ANKFN1: variants seen among roughly 807,000 people sequenced by gnomAD.
The protein encoded by ANKFN1 is ankyrin repeat and fibronectin type-III domain-containing protein 1.
In ANKFN1, 74 loss-of-function variants were observed where a neutral mutation model predicts 108.7. The observed-to-expected ratio is 0.68, with a 90% CI of 0.56 to 0.83. The LOEUF is 0.83. ANKFN1 is among the 40% of genes least tolerant of loss of function. The pLI is 0.00. For synonymous variants in ANKFN1, 547 were observed against 516.2 expected (o/e 1.06, Z -0.81); for missense variants, 1,505 against 1,382.3 (o/e 1.09, Z -1.41).
intron 4 of ANKFN1, among the ~76,000 whole-genome samples, chr17:56,074,598 AG>A (rs1409509444): frequency 6.6e-6 from 1 of 152,220 alleles, no homozygotes; most frequent in Non-Finnish European, 1.5e-5. Context: ...AGAAAACAGG[AG>A]AAATTCCAAC....
intron 1 of ANKFN1, chr17:56,206,352 C>T (rs1029557158): frequency 1.3e-5 from 2 of 152,080 alleles, no homozygotes; most frequent in Non-Finnish European, 2.9e-5. Context: ...TCCCCATGGC[C>T]CATGATTACA....
intron 4 of ANKFN1, among the ~76,000 whole-genome samples, chr17:56,126,320 T>A (rs1906929546): frequency 6.6e-6 from 1 of 152,156 alleles, no homozygotes; most frequent in Non-Finnish European, 1.5e-5. Flanking sequence ...AAAGATTCCT[T>A]GACTGGCTCC....
At chr17:56,157,027 C>A (rs1028369847) in intron 1 of ANKFN1, among the ~76,000 whole-genome samples, 1 of 152,174 alleles carries the variant, frequency 6.6e-6, no homozygotes, top group Admixed American at 6.5e-5. Flanking sequence ...TTAGATATTA[C>A]CAAATAGGAA....
At chr17:56,210,873 C>G (rs1443132758) in intron 1 of ANKFN1, among the ~76,000 whole-genome samples, 1 of 152,124 alleles carries the variant, frequency 6.6e-6, no homozygotes, top group Non-Finnish European at 1.5e-5. Flanking sequence ...GGGAAACCGC[C>G]CCCTTGATTC....
chr17:56,073,284 G>A (rs1344960651), intron 4 of ANKFN1, among the ~76,000 whole-genome samples: 6 of 152,164 alleles, frequency 3.9e-5, no homozygotes, highest in Non-Finnish European at 7.3e-5. Flanking sequence ...GAGCCACCGC[G>A]CCCGGCCTAT....
chr17:56,432,408 G>A (rs976995177), intron 8 of ANKFN1, among the ~76,000 whole-genome samples: 1 of 152,198 alleles, frequency 6.6e-6, no homozygotes. Context: ...TTGTAATAAT[G>A]TATAATAAAA....
At chr17:56,180,997 C>T (rs6505045) in intron 1 of ANKFN1, among the ~76,000 whole-genome samples, 112,072 of 152,122 alleles carry the variant, frequency 0.74, 42,285 homozygotes, top group East Asian at 0.94. Context: ...TTATGTGTAG[C>T]ACATTAAGGG....
At chr17:56,352,057 T>C (rs1225877916) in intron 5 of ANKFN1, among the ~76,000 whole-genome samples, 4 of 152,204 alleles carry the variant, frequency 2.6e-5, no homozygotes, top group Non-Finnish European at 5.9e-5. Context: ...TCGTTTGTTT[T>C]CTAATATGTT....
In ANKFN1 at chr17:56,090,272, A is replaced by C. The variant is rs552186322; in HGVS notation, c.288+43947A>C. 5.9e-5 allele frequency among the ~76,000 whole-genome samples: 9 copies of C among 151,384 alleles called. No individual in the cohort carries two copies. The South Asian group carries it at 1.7e-3, about 28-fold the overall frequency. ...GTCGTTAAGTTTCCAACCTATCTGC[A>C]ATAGAGAAGAGCTGAAAATTTTGGA... On this transcript the variant is annotated intron_variant, in intron 4 of 12. Coordinates refer to the ANKFN1 transcript ENST00000635860.
At chr17:56,053,748 C>T (rs912174012) in intron 4 of ANKFN1, among the ~76,000 whole-genome samples, 9 of 152,104 alleles carry the variant, frequency 5.9e-5, no homozygotes, top group African/African-American at 1.4e-4. Flanking sequence ...TCACAGTGAT[C>T]GTACTCATTT....
At chr17:56,171,052 CAAGA>C (rs1221451845) in intron 1 of ANKFN1, among the ~76,000 whole-genome samples, 8 of 151,680 alleles carry the variant, frequency 5.3e-5, no homozygotes, top group African/African-American at 1.9e-4. Context: ...GGCTGATCCT[CAAGA>C]AAGTTATTTG....
chr17:56,061,820 G>A (rs1324777672), intron 4 of ANKFN1, among the ~76,000 whole-genome samples: 1 of 152,174 alleles, frequency 6.6e-6, no homozygotes, highest in Non-Finnish European at 1.5e-5. Context: ...AGCTCTTAGA[G>A]ATGTTAGGGT....
At chr17:56,274,477 AAAT>A (rs985887284) in intron 3 of ANKFN1, among the ~76,000 whole-genome samples, 19 of 152,178 alleles carry the variant, frequency 1.2e-4, no homozygotes, top group African/African-American at 4.3e-4. Flanking sequence ...CGCCTCAAAA[AAAT>A]AATAATAATA....
At chr17:56,356,548 C>T (rs917887586) in intron 6 of ANKFN1, among the ~76,000 whole-genome samples, 3 of 152,116 alleles carry the variant, frequency 2.0e-5, no homozygotes, top group Admixed American at 1.3e-4. Flanking sequence ...AAATGCTAAG[C>T]TTACCATATC....
chr17:56,122,455 CT>C lies in ANKFN1; in HGVS notation c.288+76132del, dbSNP rs577950151. Among the ~76,000 whole-genome samples, 542 of 152,290 alleles carry C rather than the reference CT, an allele frequency of 3.6e-3. 2 individuals are homozygous for C. Among genetic ancestry groups the C allele is most frequent in the Non-Finnish European group, 5.4e-3 (366 of 68,024 alleles). ...TTGCTCTCTCAGCTGCAGTTTACTT[CT>C]TCTACTCCCTATAATGATTAGAAGC... On this transcript the variant is annotated intron_variant, in intron 4 of 12. Transcript: ENST00000635860.
chr17:56,185,457 A>G (rs572203150), intron 1 of ANKFN1, among the ~76,000 whole-genome samples: 1 of 152,318 alleles, frequency 6.6e-6, no homozygotes, highest in East Asian at 1.9e-4. Context: ...CTTTGTGTGG[A>G]AAAACATCCC....
intron 4 of ANKFN1, among the ~76,000 whole-genome samples, chr17:56,137,643 G>C (rs1907675594): frequency 6.6e-6 from 1 of 152,150 alleles, no homozygotes; most frequent in Non-Finnish European, 1.5e-5. Flanking sequence ...CTACCGATCG[G>C]AGAGGGGAAA....
At chr17:56,506,615 G>A (rs1279269247) in intron 20 of ANKFN1, among the ~76,000 whole-genome samples, 2 of 151,094 alleles carry the variant, frequency 1.3e-5, no homozygotes, top group African/African-American at 4.9e-5. Flanking sequence ...CCAGTATGTG[G>A]TAATTTGTTC....
chr17:56,155,867 T>C (rs1266732538), intron 1 of ANKFN1, among the ~76,000 whole-genome samples: 1 of 152,078 alleles, frequency 6.6e-6, no homozygotes, highest in Non-Finnish European at 1.5e-5. Flanking sequence ...CAGAGGATAG[T>C]GTTCTATAGA....
Sources: allele counts gnomAD v4.1 joint callset (sites outside exome capture counted in the v4.1 genomes callset), GRCh38; gene constraint gnomAD v4.1.1; transcripts MANE v1.5; gene names NCBI Gene and HGNC (gene_info 2026-07-23, HGNC 2026-07-21).